AKR1C3: variants seen among roughly 807,000 people sequenced by gnomAD.
AKR1C3 encodes 3-alpha hydroxysteroid dehydrogenase, type II.
A neutral mutation model predicts 43.6 loss-of-function variants in AKR1C3; 48 were observed. That is an observed-to-expected ratio of 1.10 (90% CI 0.87 to 1.40). AKR1C3 has a LOEUF of 1.40. Ranked by LOEUF, AKR1C3 falls within the 40% of genes most tolerant of loss-of-function variation. AKR1C3 has a pLI of 0.00. For synonymous variants in AKR1C3, 162 were observed against 139.6 expected (o/e 1.16, Z -1.13); for missense variants, 482 against 391.2 (o/e 1.23, Z -1.96).
At chr10:5,083,083 T>A (rs75401060) in intron 1 of AKR1C3, among the ~76,000 whole-genome samples, 2 of 43,450 alleles carry the variant, frequency 4.6e-5, no homozygotes, top group African/African-American at 2.0e-4. Context: ...TATTTTTTTT[T>A]ATTATTATAC....
chr10:5,063,764 G>GAAGAAA (rs1406943359), intron 1 of AKR1C3, among the ~76,000 whole-genome samples: 1 of 33,446 alleles, frequency 3.0e-5, no homozygotes, highest in African/African-American at 1.3e-4. Context: ...CTCTGTCTCA[G>GAAGAAA]CAAAAAAAAA....
intron 1 of AKR1C3, among the ~76,000 whole-genome samples, chr10:5,060,037 T>C (rs1838350053): frequency 6.6e-6 from 1 of 152,130 alleles, no homozygotes; most frequent in African/African-American, 2.4e-5. Flanking sequence ...CAGACCTTTG[T>C]GGTGAGTGTT....
At chr10:5,093,348 A>G (rs891406165), upstream of AKR1C3, 10 of 152,144 alleles carry the variant, frequency 6.6e-5, no homozygotes, top group Non-Finnish European at 1.0e-4. Flanking sequence ...ATTATATTGT[A>G]TCAATGTATA....
At chr10:5,061,031 A>C (rs971488773) in intron 1 of AKR1C3, among the ~76,000 whole-genome samples, 8 of 151,800 alleles carry the variant, frequency 5.3e-5, no homozygotes, top group African/African-American at 1.7e-4. Context: ...CTCCCTCCAC[A>C]CCTCCCTGCA....
chr10:5,050,282 G>T (rs1414567319), intron 1 of AKR1C3, among the ~76,000 whole-genome samples: 1 of 152,210 alleles, frequency 6.6e-6, no homozygotes, highest in Non-Finnish European at 1.5e-5. Flanking sequence ...GGAGTGAATA[G>T]GAGCACTTGG....
chr10:5,095,048 T>C (rs1398224660), intron 1 of AKR1C3, among the ~76,000 whole-genome samples: 2 of 151,976 alleles, frequency 1.3e-5, no homozygotes, highest in Admixed American at 6.6e-5. Context: ...ACTATTTCAC[T>C]TTTAAAAAGA....
upstream of AKR1C3, among the ~76,000 whole-genome samples, chr10:5,090,218 G>T (rs1422411762): frequency 6.6e-6 from 1 of 152,124 alleles, no homozygotes; most frequent in Non-Finnish European, 1.5e-5. Context: ...TATCTGGGTA[G>T]AGCTGGAGTA....
At chr10:5,091,821 T>C (rs370910460), upstream of AKR1C3, among the ~76,000 whole-genome samples, 247 of 152,294 alleles carry the variant, frequency 1.6e-3, 1 homozygote, top group African/African-American at 5.7e-3. Context: ...GTTGAAGAAG[T>C]GTAGAATAAA....
At chr10:5,080,147 C>A (rs1402396180) in intron 1 of AKR1C3, among the ~76,000 whole-genome samples, 2 of 145,526 alleles carry the variant, frequency 1.4e-5, no homozygotes, top group Admixed American at 1.4e-4. Context: ...CGGACATAGG[C>A]CGGTAAGAGC....
At position 5,096,794 on chromosome 10, in the gene AKR1C3, CTT is replaced by C. The variant is rs1264345557; in HGVS notation, c.252+222_252+223del. On this transcript the variant is annotated intron_variant, in intron 2 of 8. Coordinates refer to ENST00000380554, the MANE Select transcript of AKR1C3 (RefSeq NM_003739.6). ...AATTTATGACCTGAAAGTCCCTTTA[CTT>C]TTTTGAGCTTCAGCTGAGATCAGTG... is the stretch of plus-strand genomic sequence containing the variant. 3.3e-5 allele frequency among the ~76,000 whole-genome samples: 5 copies of C among 152,216 alleles called. No individual in the cohort carries two copies. In the South Asian group the frequency reaches 1.0e-3, roughly 32 times the overall value.
chr10:5,086,087 C>G (rs1176003996), intron 1 of AKR1C3, among the ~76,000 whole-genome samples: 3 of 151,902 alleles, frequency 2.0e-5, no homozygotes, highest in Middle Eastern at 3.4e-3. Context: ...CAGTTCTGCT[C>G]TGATCTTAGT....
At chr10:5,096,877 T>C (rs569485913) in intron 2 of AKR1C3, among the ~76,000 whole-genome samples, 6 of 152,304 alleles carry the variant, frequency 3.9e-5, no homozygotes, top group African/African-American at 1.4e-4. Flanking sequence ...ATGGTTTTTC[T>C]TATCGCCTGG....
intron 1 of AKR1C3, among the ~76,000 whole-genome samples, chr10:5,073,341 T>C (rs937976788): frequency 2.0e-5 from 3 of 152,212 alleles, no homozygotes; most frequent in Non-Finnish European, 4.4e-5. Flanking sequence ...GGAGATTTCA[T>C]TTTTAACATT....
rs782048590 is a variant in AKR1C3, at chr10:5,097,491, A to C, written c.310A>C (p.Lys104Gln). The part of the protein sequence containing the change: ...LVRPALENSL[K>Q]KAQLDYVDLY... ...CCGACCAGCCTTGGAAAACTCACTG[A>C]AGAAAGCTCAATTGGACTATGTTGA... The change falls in exon 3 of 9, where the codon AAG becomes CAG. Residue 104 changes from lysine to glutamine, a missense_variant. Lys to Gln is a moderately conservative substitution (Grantham distance 53). Transcript: ENST00000380554. The C allele has an allele frequency of 6.2e-7, 1 of 1,613,874 alleles. No homozygotes were observed. Among genetic ancestry groups the C allele is most frequent in the South Asian group, 1.1e-5 (1 of 91,076 alleles).
At chr10:5,049,889 C>A (rs1838118043) in intron 1 of AKR1C3, among the ~76,000 whole-genome samples, 1 of 152,194 alleles carries the variant, frequency 6.6e-6, no homozygotes, top group Non-Finnish European at 1.5e-5. Flanking sequence ...TGTGGGTTAA[C>A]CTGTGCCTCT....
intron 1 of AKR1C3, among the ~76,000 whole-genome samples, chr10:5,062,587 TTTC>T (rs1289628761): frequency 2.0e-5 from 3 of 152,206 alleles, no homozygotes; most frequent in Non-Finnish European, 2.9e-5. Context: ...CCACCTGCAC[TTTC>T]TTATTTTAAC....
At chr10:5,082,509 A>AT (rs1281422033) in intron 1 of AKR1C3, among the ~76,000 whole-genome samples, 1 of 151,616 alleles carries the variant, frequency 6.6e-6, no homozygotes, top group African/African-American at 2.4e-5. Context: ...TTTATGTTGC[A>AT]TTTTATCAAA....
chr10:5,087,584 C>T (rs1209275467), intron 1 of AKR1C3, among the ~76,000 whole-genome samples: 2 of 151,838 alleles, frequency 1.3e-5, no homozygotes, highest in Admixed American at 6.6e-5. Flanking sequence ...CCATGTTGGC[C>T]AGGCTAGTCT....
chr10:5,074,371 G>T (rs546558951), intron 1 of AKR1C3, among the ~76,000 whole-genome samples: 1 of 152,190 alleles, frequency 6.6e-6, no homozygotes, highest in Admixed American at 6.5e-5. Context: ...CAAATTTCAA[G>T]ATGGCTATTC....
Sources: gnomAD v4.1 joint callset for allele counts (sites outside exome capture counted in the v4.1 genomes callset) on GRCh38, gnomAD v4.1.1 for gene constraint, MANE v1.5 for transcripts, NCBI Gene and HGNC (gene_info 2026-07-23, HGNC 2026-07-21) for gene names.